Variants in TTC7B observed in about 807,000 individuals in gnomAD.
TTC7B encodes the protein tetratricopeptide repeat protein 7B.
TTC7B carries 28 observed loss-of-function variants against 106.8 expected under a neutral mutation model. That is an observed-to-expected ratio of 0.26 (90% CI 0.19 to 0.36). TTC7B has a LOEUF of 0.36. Among genes scored for constraint, TTC7B ranks in the 10% least tolerant of loss-of-function variants. The probability of loss-of-function intolerance (pLI) is 1.00; values close to 1 mark genes in which losing one functional copy is unlikely to be tolerated. For synonymous variants in TTC7B, 405 were observed against 430.6 expected (o/e 0.94, Z 0.74); for missense variants, 862 against 1,076.4 (o/e 0.80, Z 2.79).
chr14:90,601,415 CT>C (rs1892418865), intron 17 of TTC7B, among the ~76,000 whole-genome samples: 1 of 152,168 alleles, frequency 6.6e-6, no homozygotes, highest in South Asian at 2.1e-4. Flanking sequence ...TCACTACTGT[CT>C]TGAATTCCTT....
chr14:90,612,322 G>A (rs965083838), intron 16 of TTC7B, among the ~76,000 whole-genome samples: 2 of 152,124 alleles, frequency 1.3e-5, no homozygotes, highest in Non-Finnish European at 2.9e-5. Context: ...TATTTCTGGC[G>A]CAGGTCTGTC....
chr14:90,694,497 A>T (rs1302394217), intron 6 of TTC7B, among the ~76,000 whole-genome samples: 5 of 150,704 alleles, frequency 3.3e-5, no homozygotes, highest in African/African-American at 1.2e-4. Flanking sequence ...ATATATTATA[A>T]ATATATGTCA....
At chr14:90,710,554 T>G (rs978974734) in intron 5 of TTC7B, among the ~76,000 whole-genome samples, 3 of 152,176 alleles carry the variant, frequency 2.0e-5, no homozygotes, top group Admixed American at 6.5e-5. Context: ...TACAGAGAAA[T>G]CTTTTATGAA....
chr14:90,684,952 A>G (rs945396600), intron 7 of TTC7B, among the ~76,000 whole-genome samples: 1 of 152,234 alleles, frequency 6.6e-6, no homozygotes, highest in African/African-American at 2.4e-5. Flanking sequence ...AAGGAAAGAA[A>G]GCAAGGAAGC....
chr14:90,699,611 A>AT (rs1887905268), intron 5 of TTC7B, among the ~76,000 whole-genome samples: 1 of 152,256 alleles, frequency 6.6e-6, no homozygotes, highest in African/African-American at 2.4e-5. Context: ...TCTATTCAAT[A>AT]TTTTTTTCTC....
chr14:90,681,008 C>T (rs189116119), intron 7 of TTC7B, among the ~76,000 whole-genome samples: 1 of 151,960 alleles, frequency 6.6e-6, no homozygotes. Flanking sequence ...TTCTCTAATA[C>T]TGTAAGAATT....
intron 4 of TTC7B, among the ~76,000 whole-genome samples, chr14:90,737,183 C>T (rs888562231): frequency 6.6e-6 from 1 of 152,074 alleles, no homozygotes; most frequent in Non-Finnish European, 1.5e-5. Context: ...GAAAACAACA[C>T]TTCCAAAAAT....
At position 90,624,141 on chromosome 14, in the gene TTC7B, T is replaced by C. The variant is rs575363529; in HGVS notation, c.1752-6096A>G. 2.0e-5 allele frequency among the ~76,000 whole-genome samples: 3 copies of C among 152,376 alleles called. No individual in the cohort carries two copies. The highest frequency in any genetic ancestry group is 7.2e-5 in the African/African-American group (3 of 41,594). ...GCGCGTGTGTGTGTTTTGTGACTTGTCTTTCATCTAAAAGTCTGGTGCACA... is the reference window on the plus strand; with the variant it reads ...GCGCGTGTGTGTGTTTTGTGACTTGCCTTTCATCTAAAAGTCTGGTGCACA... On this transcript the variant is annotated intron_variant, in intron 15 of 19. Coordinates refer to ENST00000328459, the MANE Select transcript of TTC7B (RefSeq NM_001010854.2). The surrounding 1 kb of genome is among the most constrained non-coding windows in gnomAD (Gnocchi z 4.0).
intron 7 of TTC7B, among the ~76,000 whole-genome samples, chr14:90,683,962 A>C (rs1421335727): frequency 6.6e-6 from 1 of 152,102 alleles, no homozygotes; most frequent in Non-Finnish European, 1.5e-5. Context: ...TATTGTGTCC[A>C]CGGAAGGGCC....
At chr14:90,806,310 C>T (rs1050345633) in intron 1 of TTC7B, among the ~76,000 whole-genome samples, 4 of 152,206 alleles carry the variant, frequency 2.6e-5, no homozygotes, top group Admixed American at 6.5e-5. Flanking sequence ...GGCTGAAGCC[C>T]GTGTTCTGCA....
At chr14:90,800,842 G>A (rs756428749) in intron 1 of TTC7B, among the ~76,000 whole-genome samples, 1 of 151,782 alleles carries the variant, frequency 6.6e-6, no homozygotes, top group Non-Finnish European at 1.5e-5. Context: ...GAGATGTTAG[G>A]ACAGAAGTAG....
chr14:90,744,321 CTTTTTT>C (rs1227274298), intron 4 of TTC7B, among the ~76,000 whole-genome samples: 2 of 151,880 alleles, frequency 1.3e-5, no homozygotes, highest in South Asian at 2.1e-4. Flanking sequence ...TTCTTTCTTT[CTTTTTT>C]TTATGAGATG....
chr14:90,662,430 G>A (rs17799388), intron 9 of TTC7B, among the ~76,000 whole-genome samples: 25,155 of 152,194 alleles, frequency 0.17, 2,079 homozygotes, highest in African/African-American at 0.17. Context: ...GTCCGGTTCC[G>A]TCACCTACAG....
chr14:90,779,367 G>A (rs1017623848), intron 3 of TTC7B, among the ~76,000 whole-genome samples: 2 of 152,086 alleles, frequency 1.3e-5, no homozygotes, highest in East Asian at 1.9e-4. Flanking sequence ...GCAATGGCGC[G>A]ATCTCAGCTC....
intron 19 of TTC7B, among the ~76,000 whole-genome samples, chr14:90,557,758 G>A (rs777266810): frequency 6.6e-6 from 1 of 152,262 alleles, no homozygotes. Context: ...TGGGGACCAC[G>A]GGCTCACTGA....
chr14:90,756,457 G>A (rs533825034), intron 3 of TTC7B, among the ~76,000 whole-genome samples: 10 of 149,864 alleles, frequency 6.7e-5, no homozygotes, highest in Non-Finnish European at 8.9e-5. Flanking sequence ...GCAATGGCGC[G>A]ATCTCGGCTC....
At chr14:90,695,905 A>C (rs1161919211) in intron 5 of TTC7B, among the ~76,000 whole-genome samples, 1 of 151,156 alleles carries the variant, frequency 6.6e-6, no homozygotes, top group Non-Finnish European at 1.5e-5. Context: ...ACTGAAATCT[A>C]TATTTTCATT....
intron 5 of TTC7B, among the ~76,000 whole-genome samples, chr14:90,709,840 T>C (rs1405472552): frequency 2.0e-5 from 3 of 151,734 alleles, no homozygotes; most frequent in African/African-American, 7.3e-5. Context: ...CTTATTTATA[T>C]ATAATTTATG....
Position 90,578,183 on chromosome 14 carries a change from T to C in TTC7B, c.2233A>G (p.Ser745Gly). The C allele has an allele frequency of 1.9e-6, 3 of 1,614,050 alleles. No individual in the cohort carries two copies. The highest frequency in any genetic ancestry group is 2.5e-6 in the Non-Finnish European group (3 of 1,179,984). ...MRGQIAELRG[S>G]MDEARRWYEE... Reference sequence around the variant, plus strand: ...TACCACCGCCGCGCCTCGTCCATGCTTCCCCGGAGCTCAGCAATCTGGCCG... The same window carrying C: ...TACCACCGCCGCGCCTCGTCCATGCCTCCCCGGAGCTCAGCAATCTGGCCG... The change falls in exon 19 of 20, where the codon AGC (serine) becomes GGC (glycine). Residue 745 changes from serine (S) to glycine (G), a missense_variant. By Grantham distance (56) the Ser-to-Gly change is moderately conservative. Coordinates refer to ENST00000328459, the MANE Select transcript of TTC7B (RefSeq NM_001010854.2). This position sits in a 1 kb window ranked among gnomAD's most constrained non-coding sequence, Gnocchi z 4.7.
Sources: allele counts gnomAD v4.1 joint callset (sites outside exome capture counted in the v4.1 genomes callset), GRCh38; gene constraint gnomAD v4.1.1; non-coding constraint Gnocchi (gnomAD v3.1); transcripts MANE v1.5; gene names NCBI Gene and HGNC (gene_info 2026-07-23, HGNC 2026-07-21).